The following ARHGAP44 variants were observed in gnomAD, a reference collection of about 807,000 sequenced individuals.
ARHGAP44 encodes Rho GTPase activating protein 44.
Under a neutral mutation model 106.8 loss-of-function variants are expected in ARHGAP44, and 43 were observed. The ratio of observed to expected loss-of-function variants is 0.40; its 90% confidence interval spans 0.32 to 0.52. The LOEUF is 0.52. ARHGAP44 is among the 20% of genes least tolerant of loss of function. The pLI, the probability that ARHGAP44 is intolerant of heterozygous loss-of-function variation, is 0.48. For synonymous variants in ARHGAP44, 439 were observed against 410.3 expected, an observed-to-expected ratio of 1.07 and a Z score of -0.85; for missense variants, 866 against 1,050.5, an observed-to-expected ratio of 0.82 and a Z score of 2.43.
chr17:12,790,032 T>C, intron 1 of ARHGAP44, 141 bp downstream of exon 1: 1 of 762,950 alleles, frequency 1.3e-6, no homozygotes, highest in Non-Finnish European at 1.9e-6. Context: ...CAGGCGCCGC[T>C]CGCAGGCGCG....
At chr17:12,951,087 G>T (rs547181954) in intron 12 of ARHGAP44, among the ~76,000 whole-genome samples, 2 of 152,264 alleles carry the variant, frequency 1.3e-5, no homozygotes, top group Admixed American at 6.5e-5. Flanking sequence ...ACTTCAAAAG[G>T]CTGGCTGAAT....
intron 1 of ARHGAP44, among the ~76,000 whole-genome samples, chr17:12,870,727 C>T (rs1254878300): frequency 1.3e-5 from 2 of 152,206 alleles, no homozygotes; most frequent in Admixed American, 1.3e-4. Flanking sequence ...ATGTTATTTA[C>T]ACACTATTTA....
rs115424650 is a variant in ARHGAP44, at chr17:12,888,870, C to T, written c.54-6070C>T. 3.0e-3 allele frequency among the ~76,000 whole-genome samples: 457 copies of T among 152,072 alleles called. 5 individuals are homozygous for T. Among genetic ancestry groups the T allele is most frequent in the African/African-American group, 0.011 (444 of 41,492 alleles). ...TTTATCTCTGGTAATTTTCTTTGTT[C>T]TGAAATTGTCTTTATGTGACATTAA... On this transcript the variant is annotated intron_variant, in intron 1 of 20. Transcript: ENST00000379672.
At chr17:12,980,291 T>C (rs2039801000) in intron 19 of ARHGAP44, 58 bp downstream of exon 19, 1 of 1,520,526 alleles carries the variant, frequency 6.6e-7, no homozygotes, top group Non-Finnish European at 8.8e-7. Context: ...TGACATTCCC[T>C]GAAGGCTCGT....
At chr17:12,808,780 A>G (rs1247452607) in intron 1 of ARHGAP44, among the ~76,000 whole-genome samples, 1 of 152,168 alleles carries the variant, frequency 6.6e-6, no homozygotes, top group Non-Finnish European at 1.5e-5. Context: ...TACTTATGCT[A>G]ATTTCTGCAG....
chr17:12,886,341 A>G (rs1311854242), intron 1 of ARHGAP44, among the ~76,000 whole-genome samples: 2 of 152,128 alleles, frequency 1.3e-5, no homozygotes, highest in Non-Finnish European at 1.5e-5. Context: ...TTTAGAATCA[A>G]TTTGTCTGTA....
intron 3 of ARHGAP44, among the ~76,000 whole-genome samples, chr17:12,906,187 T>C (rs1048018986): frequency 6.6e-6 from 1 of 152,224 alleles, no homozygotes; most frequent in Non-Finnish European, 1.5e-5. Flanking sequence ...TGGAATATTA[T>C]GCCTGCTTCT....
chr17:12,823,749 GC>G, intron 1 of ARHGAP44, among the ~76,000 whole-genome samples: 1 of 152,086 alleles, frequency 6.6e-6, no homozygotes. Flanking sequence ...ACTCCATCTA[GC>G]TTTCCTCCCT....
intron 5 of ARHGAP44, among the ~76,000 whole-genome samples, chr17:12,919,246 A>G (rs1307263271): frequency 6.6e-6 from 1 of 152,224 alleles, no homozygotes; most frequent in African/African-American, 2.4e-5. Context: ...ATTAAACCGT[A>G]CACCTGAAAT....
chr17:12,923,402 G>A (rs993885994), intron 6 of ARHGAP44, among the ~76,000 whole-genome samples: 2 of 152,148 alleles, frequency 1.3e-5, no homozygotes, highest in South Asian at 4.1e-4. Flanking sequence ...TTTTAGTAGA[G>A]ACGGGGTTTC....
At chr17:12,886,664 AC>A (rs1555551273) in intron 1 of ARHGAP44, among the ~76,000 whole-genome samples, 1 of 151,970 alleles carries the variant, frequency 6.6e-6, no homozygotes, top group Non-Finnish European at 1.5e-5. Context: ...TCTTGCAGAA[AC>A]CATTAGTTCT....
At chr17:12,862,925 T>C (rs1336220649) in intron 1 of ARHGAP44, among the ~76,000 whole-genome samples, 2 of 151,780 alleles carry the variant, frequency 1.3e-5, no homozygotes, top group African/African-American at 4.8e-5. Context: ...GAGGCTGCAG[T>C]GAGCCATGAT....
At chr17:12,920,319 T>C (rs2038040464) in intron 6 of ARHGAP44, among the ~76,000 whole-genome samples, 1 of 125,584 alleles carries the variant, frequency 8.0e-6, no homozygotes, top group African/African-American at 3.7e-5. Flanking sequence ...GAGCTTGCAG[T>C]GAGCCGAGAT....
intron 1 of ARHGAP44, among the ~76,000 whole-genome samples, chr17:12,830,313 G>C (rs1465963409): frequency 1.3e-5 from 2 of 152,018 alleles, no homozygotes; most frequent in Non-Finnish European, 2.9e-5. Context: ...ATTGCTCTTT[G>C]GGGCTAGTTG....
intron 16 of ARHGAP44, among the ~76,000 whole-genome samples, chr17:12,968,758 CTTTT>C (rs201417226): frequency 7.1e-6 from 1 of 140,384 alleles, no homozygotes. Context: ...TTTTCTTTTT[CTTTT>C]ATTTCTTTTC....
chr17:12,876,993 T>C (rs966511822), intron 1 of ARHGAP44, among the ~76,000 whole-genome samples: 2 of 151,862 alleles, frequency 1.3e-5, no homozygotes, highest in Non-Finnish European at 2.9e-5. Context: ...ACTATGCAAG[T>C]AGAAAGGGAC....
Position 12,941,098 on chromosome 17 carries a change from A to G in ARHGAP44, c.625A>G (p.Ile209Val), listed in dbSNP as rs1357459602. 3.1e-6 allele frequency: 5 copies of G among 1,614,030 alleles called. No individual in the cohort carries two copies. The highest frequency in any genetic ancestry group is 1.3e-5 in the African/African-American group (1 of 75,060). ...ADMYSFVAKE[I>V]DYANYFQTLI... The stretch of plus-strand genomic sequence containing the variant: ...TATGTACAGTTTTGTGGCCAAAGAA[A>G]TTGACTATGCAAACTACTTTCAAAC... Residue 209 changes from isoleucine (I) to valine (V), a missense_variant, in exon 8 of 21, where the codon ATT (isoleucine) becomes GTT (valine). This residue lies in a region of ARHGAP44 where 448 missense variants were observed against 646.9 expected (regional missense o/e 0.69). Coordinates refer to ENST00000379672, the MANE Select transcript of ARHGAP44 (RefSeq NM_014859.6).
intron 1 of ARHGAP44, among the ~76,000 whole-genome samples, chr17:12,862,502 C>CA (rs1456533617): frequency 1.3e-5 from 2 of 152,178 alleles, no homozygotes; most frequent in African/African-American, 4.8e-5. Context: ...TGATGACCCA[C>CA]AGACAGAGTG....
intron 20 of ARHGAP44, among the ~76,000 whole-genome samples, chr17:12,989,819 GC>G (rs2040071682): frequency 6.6e-6 from 1 of 152,166 alleles, no homozygotes; most frequent in Non-Finnish European, 1.5e-5. Flanking sequence ...TATCCTGGGT[GC>G]TTTGGTTCTA....
Sources: allele counts gnomAD v4.1 joint callset (sites outside exome capture counted in the v4.1 genomes callset), GRCh38; gene constraint gnomAD v4.1.1; regional missense constraint gnomAD v4.1.1; transcripts MANE v1.5; gene names NCBI Gene and HGNC (gene_info 2026-07-23, HGNC 2026-07-21).